DLGAP2: variants seen among roughly 807,000 people sequenced by gnomAD.
DLGAP2 encodes the protein DLG associated protein 2.
In DLGAP2, 26 loss-of-function variants were observed where a neutral mutation model predicts 100.3. The ratio of observed to expected loss-of-function variants is 0.26; its 90% CI spans 0.19 to 0.36. The LOEUF (loss-of-function observed/expected upper bound fraction) is 0.36, where lower values mean the gene tolerates loss of function less well. Among genes scored for constraint, DLGAP2 ranks in the 10% least tolerant of loss-of-function variants. DLGAP2 has a pLI of 1.00. For missense variants in DLGAP2, 1,858 were observed against 1,453.2 expected, an observed-to-expected ratio of 1.28 and a Z score of -4.53; for synonymous variants, 886 against 630.1, an observed-to-expected ratio of 1.41 and a Z score of -6.08.
At chr8:835,676 G>C (rs932970216) in intron 1 of DLGAP2, among the ~76,000 whole-genome samples, 1 of 152,162 alleles carries the variant, frequency 6.6e-6, no homozygotes, top group African/African-American at 2.4e-5. Context: ...TGCTACCTGT[G>C]AACTTGGAAT....
At chr8:848,848 GTGTTCCAGCATAGGATCGCGCGGTGTC>G (rs1797120617) in intron 1 of DLGAP2, among the ~76,000 whole-genome samples, 1 of 146,342 alleles carries the variant, frequency 6.8e-6, no homozygotes, top group African/African-American at 2.5e-5. Context: ...CTTGTGATGT[GTGTTCCAGCATAGGATCGCGCGGTGTC>G]TGTTCCAGCA....
chr8:1,573,800 G>T (rs1802852924), intron 6 of DLGAP2, among the ~76,000 whole-genome samples: 1 of 152,168 alleles, frequency 6.6e-6, no homozygotes, highest in African/African-American at 2.4e-5. Context: ...TTCAGGCAGG[G>T]CTGAGCAGGT....
intron 1 of DLGAP2, among the ~76,000 whole-genome samples, chr8:759,079 C>CGA (rs1820996635): frequency 1.6e-5 from 1 of 62,130 alleles, no homozygotes; most frequent in African/African-American, 5.9e-5. Context: ...TCAATACCCC[C>CGA]CACAGCCTTC....
At chr8:1,436,263 G>A (rs564993806) in intron 3 of DLGAP2, among the ~76,000 whole-genome samples, 5 of 152,268 alleles carry the variant, frequency 3.3e-5, no homozygotes, top group East Asian at 3.9e-4. Flanking sequence ...TGAGAGCCCC[G>A]GGCAAACCAC....
At chr8:1,371,586 T>G (rs1420654766) in intron 3 of DLGAP2, among the ~76,000 whole-genome samples, 2 of 152,250 alleles carry the variant, frequency 1.3e-5, no homozygotes, top group Non-Finnish European at 2.9e-5. Context: ...GTGACTTGAT[T>G]GGAAAAGAAG....
At chr8:1,054,112 C>A (rs2129033528) in intron 2 of DLGAP2, among the ~76,000 whole-genome samples, 1 of 152,162 alleles carries the variant, frequency 6.6e-6, no homozygotes, top group South Asian at 2.1e-4. Context: ...TGTGCGGCAC[C>A]CGGCGTTTCT....
chr8:1,152,260 T>C (rs1232138643), intron 2 of DLGAP2, among the ~76,000 whole-genome samples: 2 of 152,262 alleles, frequency 1.3e-5, no homozygotes, highest in Non-Finnish European at 1.5e-5. Flanking sequence ...TTTAGAAATA[T>C]GTTTGCATTC....
chr8:1,121,030 G>A (rs542969322), intron 2 of DLGAP2, among the ~76,000 whole-genome samples: 34 of 99,828 alleles, frequency 3.4e-4, no homozygotes, highest in African/African-American at 1.3e-3. Flanking sequence ...CCCTGGCCAC[G>A]CATCCTTGTC....
chr8:844,585 C>T (rs1797040476), intron 1 of DLGAP2, among the ~76,000 whole-genome samples: 1 of 152,164 alleles, frequency 6.6e-6, no homozygotes. Context: ...TCTTGACCCC[C>T]TTCCCAGCCA....
At chr8:1,158,639 T>C (rs181726574) in intron 2 of DLGAP2, among the ~76,000 whole-genome samples, 1 of 152,346 alleles carries the variant, frequency 6.6e-6, no homozygotes, top group East Asian at 1.9e-4. Flanking sequence ...GCCAGGTTGT[T>C]TGAACCCGCA....
At chr8:1,019,481 G>T (rs1275067727) in intron 2 of DLGAP2, 2 of 151,320 alleles carry the variant, frequency 1.3e-5, no homozygotes, top group Non-Finnish European at 2.9e-5. Flanking sequence ...CACATAGAAA[G>T]AATTCCACAT....
At chr8:820,782 G>T (rs979221416) in intron 1 of DLGAP2, among the ~76,000 whole-genome samples, 1 of 152,164 alleles carries the variant, frequency 6.6e-6, no homozygotes, top group African/African-American at 2.4e-5. Context: ...AGAATTCTTA[G>T]GAAATGGGAA....
At chr8:1,364,619 G>T (rs1021813142) in intron 3 of DLGAP2, among the ~76,000 whole-genome samples, 1 of 152,236 alleles carries the variant, frequency 6.6e-6, no homozygotes, top group Non-Finnish European at 1.5e-5. Flanking sequence ...CCTCTTCAGT[G>T]GTTCTGTCAG....
intron 5 of DLGAP2, among the ~76,000 whole-genome samples, chr8:1,562,903 G>A (rs1802228970): frequency 1.3e-5 from 1 of 78,312 alleles, no homozygotes. Flanking sequence ...GGGACTGTGT[G>A]GTGTTGGGGT....
chr8:1,257,124 G>A (rs540560145), intron 2 of DLGAP2, among the ~76,000 whole-genome samples: 3 of 152,210 alleles, frequency 2.0e-5, no homozygotes, highest in Non-Finnish European at 2.9e-5. Flanking sequence ...CTGTCTCCCC[G>A]AAGTCGGGAG....
intron 5 of DLGAP2, among the ~76,000 whole-genome samples, chr8:1,563,820 T>A (rs1403180797): frequency 6.6e-6 from 1 of 152,126 alleles, no homozygotes; most frequent in Non-Finnish European, 1.5e-5. Context: ...GCCACGCAGA[T>A]CCCTGCTGGT....
chr8:1,465,117 C>T (rs970255635), intron 3 of DLGAP2, among the ~76,000 whole-genome samples: 9 of 152,218 alleles, frequency 5.9e-5, no homozygotes, highest in African/African-American at 2.2e-4. Flanking sequence ...ACCTCAGGTC[C>T]CACAGGGGGA....
At chr8:1,527,578 G>A (rs548350793) in intron 4 of DLGAP2, among the ~76,000 whole-genome samples, 1 of 152,248 alleles carries the variant, frequency 6.6e-6, no homozygotes, top group Admixed American at 6.5e-5. Context: ...ATTTCTGAGA[G>A]TGAGAAAAGT....
chr8:1,484,313 C>T (rs1270138915), intron 3 of DLGAP2, among the ~76,000 whole-genome samples: 3 of 152,258 alleles, frequency 2.0e-5, no homozygotes, highest in African/African-American at 7.2e-5. Flanking sequence ...GCCTTGATTT[C>T]CAGAATTCAT....
Sources: allele counts gnomAD v4.1 joint callset (sites outside exome capture counted in the v4.1 genomes callset), GRCh38; gene constraint gnomAD v4.1.1; transcripts MANE v1.5; gene names NCBI Gene and HGNC (gene_info 2026-07-23, HGNC 2026-07-21).